The following SYTL2 variants were observed in gnomAD, a reference collection of about 807,000 sequenced individuals.
The protein encoded by SYTL2 is synaptotagmin like 2.
In SYTL2, 165 loss-of-function variants were observed where a neutral mutation model predicts 198.7. That is an observed-to-expected ratio of 0.83 (90% confidence interval 0.73 to 0.94). SYTL2 has a LOEUF of 0.94. SYTL2 is among the 40% of genes least tolerant of loss of function. The pLI is 0.00. For synonymous variants in SYTL2, 966 were observed against 917.7 expected (o/e 1.05, Z -0.95); for missense variants, 2,835 against 2,582.8 (o/e 1.10, Z -2.12).
intron 8 of SYTL2, among the ~76,000 whole-genome samples, chr11:85,723,241 A>C (rs1488320173): frequency 6.6e-6 from 1 of 152,218 alleles, no homozygotes; most frequent in East Asian, 1.9e-4. Flanking sequence ...GAATGTGGAG[A>C]TCGACTCAGG....
chr11:85,756,925 G>A (rs1488884298), intron 2 of SYTL2, among the ~76,000 whole-genome samples: 5 of 152,182 alleles, frequency 3.3e-5, no homozygotes, highest in African/African-American at 1.2e-4. Context: ...GAAGCCTGTC[G>A]CTGCCTTCAA....
the SYTL2 span, among the ~76,000 whole-genome samples, chr11:85,821,651 G>T: frequency 6.6e-6 from 1 of 152,214 alleles, no homozygotes; most frequent in Non-Finnish European, 1.5e-5. Flanking sequence ...GCTTAAGTAT[G>T]TGGAACGGAC....
intron 6 of SYTL2, 134 bp downstream of exon 6, chr11:85,736,367 A>T (rs1221952801): frequency 1.8e-6 from 1 of 551,514 alleles, no homozygotes. Flanking sequence ...ACCAACAAGC[A>T]CCGTAAAATA....
the SYTL2 span, among the ~76,000 whole-genome samples, chr11:85,820,795 C>G: frequency 2.4e-3 from 365 of 152,270 alleles, 3 homozygotes; most frequent in African/African-American, 8.5e-3. Context: ...TGTATACATA[C>G]GTAAAAAGAC....
At chr11:85,705,928 G>A (rs1370035340) in intron 15 of SYTL2, among the ~76,000 whole-genome samples, 2 of 152,206 alleles carry the variant, frequency 1.3e-5, no homozygotes, top group Non-Finnish European at 2.9e-5. Flanking sequence ...GGATGACTGA[G>A]TGTTGATTTA....
chr11:85,837,966 A>C, the SYTL2 span, among the ~76,000 whole-genome samples: 1 of 152,080 alleles, frequency 6.6e-6, no homozygotes, highest in South Asian at 2.1e-4. Flanking sequence ...CTACCCACTA[A>C]TTATACTCAC....
chr11:85,726,303 T>G lies in SYTL2; in HGVS notation c.3055A>C (p.Lys1019Gln). 6.2e-7 allele frequency: 1 copy of G among 1,614,114 alleles called. No homozygotes were observed. ...QKNSAPFNRQ[K>Q]HKEFSDIKLS... The stretch of plus-strand genomic sequence containing the variant: ...TTAATGTCGCTGAATTCCTTGTGTT[T>G]CTGCCTATTAAAAGGTGCAGAATTT... Residue 1019 changes from lysine (K) to glutamine (Q), a missense_variant, in exon 8 of 20, where the codon AAA (lysine) becomes CAA (glutamine). Around this residue, in one of 3 missense-constraint regions of SYTL2, gnomAD observed 2,645 missense variants for 2,381.7 expected, o/e 1.11. Coordinates refer to ENST00000359152, the MANE Select transcript of SYTL2 (RefSeq NM_206927.4).
At position 85,708,344 on chromosome 11, in the gene SYTL2, G is replaced by T. The variant is rs557807344; in HGVS notation, c.5916-813C>A. On this transcript the variant is annotated intron_variant, in intron 14 of 19. Transcript: ENST00000359152. ...TTATCTTCAATGTTAAAAAAATAAA[G>T]GATGTTGAGCTCAGTTGTTTTTATA... is the stretch of plus-strand genomic sequence containing the variant. 5.9e-5 allele frequency among the ~76,000 whole-genome samples: 9 copies of T among 152,036 alleles called. No individual in the cohort carries two copies. The South Asian group carries it at 1.9e-3, about 32-fold the overall frequency.
chr11:85,831,089 A>G, the SYTL2 span, among the ~76,000 whole-genome samples: 3 of 152,184 alleles, frequency 2.0e-5, no homozygotes, highest in African/African-American at 7.2e-5. Context: ...GTTAATAAAT[A>G]AATAATAAAG....
chr11:85,788,969 G>A (rs980828632), intron 1 of SYTL2, among the ~76,000 whole-genome samples: 2 of 151,112 alleles, frequency 1.3e-5, no homozygotes, highest in African/African-American at 4.9e-5. Context: ...TTCCACACAT[G>A]TTCCCTATAA....
intron 2 of SYTL2, among the ~76,000 whole-genome samples, chr11:85,750,471 C>G (rs1465398241): frequency 1.3e-5 from 2 of 152,182 alleles, no homozygotes; most frequent in African/African-American, 2.4e-5. Context: ...ATTACAGTTT[C>G]TCCTTTTCCA....
rs773589146 is a variant in SYTL2, at chr11:85,725,703, C to T, written c.3655G>A (p.Glu1219Lys). Reference protein sequence around the residue: ...LTASLDKLLKEATGTSPSPLQ... With the variant: ...LTASLDKLLKKATGTSPSPLQ... ...GGAGAGGGTGAAGTTCCAGTTGCTT[C>T]CTTCAGGAGTTTGTCTAGACTAGCA... is the stretch of plus-strand genomic sequence containing the variant. Residue 1219 changes from glutamate to lysine, a missense_variant, in exon 8 of 20, where the codon GAA (glutamate) becomes AAA (lysine). Transcript: ENST00000359152. 6.2e-7 allele frequency: 1 copy of T among 1,613,860 alleles called. No homozygotes were observed. Among genetic ancestry groups the T allele is most frequent in the Admixed American group, 1.7e-5 (1 of 59,974 alleles).
At chr11:85,789,306 T>C (rs559845625) in intron 1 of SYTL2, among the ~76,000 whole-genome samples, 80 of 139,312 alleles carry the variant, frequency 5.7e-4, no homozygotes, top group African/African-American at 2.0e-3. Context: ...TTTATTTATT[T>C]ATATGATGTG....
chr11:85,698,711 T>C (rs1031996476), intron 17 of SYTL2, among the ~76,000 whole-genome samples: 2 of 152,152 alleles, frequency 1.3e-5, no homozygotes, highest in African/African-American at 4.8e-5. Context: ...GGCTAATTTT[T>C]AAATTTTTGT....
At chr11:85,790,862 A>T (rs2092718042) in intron 1 of SYTL2, among the ~76,000 whole-genome samples, 1 of 152,128 alleles carries the variant, frequency 6.6e-6, no homozygotes, top group East Asian at 1.9e-4. Flanking sequence ...GTATCTTCCA[A>T]TAAAAAAGAA....
chr11:85,844,109 T>C, the SYTL2 span, among the ~76,000 whole-genome samples: 1 of 152,248 alleles, frequency 6.6e-6, no homozygotes, highest in South Asian at 2.1e-4. Context: ...ATGGCTTCAC[T>C]TGGACAGCCT....
the SYTL2 span, among the ~76,000 whole-genome samples, chr11:85,839,868 C>A: frequency 6.6e-6 from 1 of 152,172 alleles, no homozygotes; most frequent in Non-Finnish European, 1.5e-5. Flanking sequence ...AAACTGTTCT[C>A]CATAGTGGTT....
chr11:85,801,145 A>C (rs1428047521), intron 1 of SYTL2, among the ~76,000 whole-genome samples: 1 of 152,220 alleles, frequency 6.6e-6, no homozygotes, highest in Non-Finnish European at 1.5e-5. Context: ...TCCCTCTAAG[A>C]AACTCAACAG....
At chr11:85,763,916 G>A (rs776324789) in intron 1 of SYTL2, among the ~76,000 whole-genome samples, 6 of 152,242 alleles carry the variant, frequency 3.9e-5, no homozygotes, top group Non-Finnish European at 8.8e-5. Context: ...GACGGAACAA[G>A]TTGAATGTGA....
Sources: gnomAD v4.1 joint callset for allele counts (sites outside exome capture counted in the v4.1 genomes callset) on GRCh38, gnomAD v4.1.1 for gene constraint, gnomAD v4.1.1 regional missense constraint, MANE v1.5 for transcripts, NCBI Gene and HGNC (gene_info 2026-07-23, HGNC 2026-07-21) for gene names.